HIKESHI: variants seen among roughly 807,000 people sequenced by gnomAD.
HIKESHI encodes protein Hikeshi.
Under a neutral mutation model 25.7 loss-of-function variants are expected in HIKESHI, and 13 were observed. The observed-to-expected ratio is 0.51, with a 90% CI of 0.33 to 0.80. The LOEUF (loss-of-function observed/expected upper bound fraction) is 0.80, where lower values mean the gene tolerates loss of function less well. HIKESHI is among the 30% of genes least tolerant of loss of function. The pLI, the probability that HIKESHI is intolerant of heterozygous loss-of-function variation, is 0.02. For synonymous variants in HIKESHI, 76 were observed against 78.7 expected (o/e 0.97, Z 0.18); for missense variants, 174 against 229.5 (o/e 0.76, Z 1.56).
chr11:86,313,662 G>T (rs1946894521), intron 2 of HIKESHI, among the ~76,000 whole-genome samples: 1 of 152,208 alleles, frequency 6.6e-6, no homozygotes, highest in African/African-American at 2.4e-5. Flanking sequence ...TAGTGATTAA[G>T]TTCTTGCCTG....
intron 2 of HIKESHI, among the ~76,000 whole-genome samples, chr11:86,315,022 A>G (rs1946937428): frequency 1.3e-5 from 2 of 152,236 alleles, no homozygotes; most frequent in South Asian, 4.1e-4. Context: ...TACATATGAC[A>G]TAGTATTTGA....
At chr11:86,309,140 A>G (rs291209) in intron 2 of HIKESHI, among the ~76,000 whole-genome samples, 63 of 152,030 alleles carry the variant, frequency 4.1e-4, no homozygotes, top group African/African-American at 1.5e-3. Context: ...TTGAGGAATC[A>G]CCACACTGTC....
At chr11:86,332,039 G>A (rs1356171721) in intron 2 of HIKESHI, among the ~76,000 whole-genome samples, 3 of 147,104 alleles carry the variant, frequency 2.0e-5, no homozygotes, top group African/African-American at 7.6e-5. Flanking sequence ...GGAGTGCAGT[G>A]GCACTCCGCC....
intron 3 of HIKESHI, among the ~76,000 whole-genome samples, chr11:86,342,585 A>G (rs1018347223): frequency 3.3e-5 from 5 of 151,534 alleles, no homozygotes; most frequent in Admixed American, 2.0e-4. Flanking sequence ...AGCAGAGCCT[A>G]AGATGTTGTC....
chr11:86,325,229 G>A (rs1947245288), intron 2 of HIKESHI, among the ~76,000 whole-genome samples: 1 of 152,034 alleles, frequency 6.6e-6, no homozygotes, highest in Non-Finnish European at 1.5e-5. Flanking sequence ...TTATGATTCT[G>A]TACTGAATGA....
chr11:86,308,060 TATA>T (rs1312335507), intron 2 of HIKESHI, among the ~76,000 whole-genome samples: 14 of 125,276 alleles, frequency 1.1e-4, no homozygotes, highest in Non-Finnish European at 1.5e-4. Context: ...ACATATAATA[TATA>T]ATATGTATAT....
chr11:86,312,928 C>T (rs542365866), intron 2 of HIKESHI, among the ~76,000 whole-genome samples: 1 of 152,324 alleles, frequency 6.6e-6, no homozygotes, highest in Admixed American at 6.5e-5. Flanking sequence ...GAGAGGTCCA[C>T]TGTTAGTGAG....
intron 2 of HIKESHI, among the ~76,000 whole-genome samples, chr11:86,327,439 C>T (rs1593849307): frequency 2.0e-5 from 3 of 152,140 alleles, no homozygotes; most frequent in Middle Eastern, 3.4e-3. Flanking sequence ...CTCAGCCTCC[C>T]GAGTAGCTGG....
chr11:86,345,237 C>CA (rs1278494891), intron 4 of HIKESHI: 15 of 645,648 alleles, frequency 2.3e-5, no homozygotes, highest in African/African-American at 3.9e-5. Flanking sequence ...TGACCCTGAG[C>CA]AAATTTCTCT....
chr11:86,341,488 C>CTTTTTTT (rs112151717), intron 3 of HIKESHI, among the ~76,000 whole-genome samples: 8 of 142,810 alleles, frequency 5.6e-5, no homozygotes, highest in Non-Finnish European at 7.6e-5. Flanking sequence ...TGGAATTCTC[C>CTTTTTTT]TTTTTTTTTT....
chr11:86,328,618 C>CT (rs1947344571), intron 2 of HIKESHI, among the ~76,000 whole-genome samples: 1 of 151,718 alleles, frequency 6.6e-6, no homozygotes, highest in Non-Finnish European at 1.5e-5. Flanking sequence ...TAATTTTTGT[C>CT]TTTTTAGTAG....
chr11:86,322,583 C>T (rs1034204013), intron 2 of HIKESHI, among the ~76,000 whole-genome samples: 1 of 152,052 alleles, frequency 6.6e-6, no homozygotes, highest in Non-Finnish European at 1.5e-5. Context: ...CCCATCCCCT[C>T]TAGCAGTGTT....
At chr11:86,318,345 A>G (rs1046508276) in intron 2 of HIKESHI, among the ~76,000 whole-genome samples, 2 of 150,076 alleles carry the variant, frequency 1.3e-5, no homozygotes, top group East Asian at 2.0e-4. Flanking sequence ...TGTAATATCA[A>G]TAAAATTAAA....
chr11:86,325,957 T>G (rs929696207), intron 2 of HIKESHI, among the ~76,000 whole-genome samples: 1 of 151,970 alleles, frequency 6.6e-6, no homozygotes, highest in African/African-American at 2.4e-5. Context: ...CTTACAGTTT[T>G]GGCTTCAGAT....
intron 4 of HIKESHI, 49 bp from the exon 5 acceptor site, chr11:86,345,535 C>G (rs767077751): frequency 9.5e-7 from 1 of 1,054,620 alleles, no homozygotes; most frequent in Non-Finnish European, 1.4e-6. Flanking sequence ...AATGAAAGAT[C>G]CTATTTTAAT....
intron 2 of HIKESHI, among the ~76,000 whole-genome samples, chr11:86,331,159 A>G (rs1407142652): frequency 6.6e-6 from 1 of 152,136 alleles, no homozygotes; most frequent in Non-Finnish European, 1.5e-5. Flanking sequence ...ATTTTCGTAA[A>G]ATCATAGAAT....
At chr11:86,336,364 T>A (rs1009174924) in intron 2 of HIKESHI, among the ~76,000 whole-genome samples, 2 of 152,172 alleles carry the variant, frequency 1.3e-5, no homozygotes, top group African/African-American at 4.8e-5. Context: ...ATTTATATGC[T>A]GAAATCCTAA....
chr11:86,336,911 AG>A (rs1229786896), intron 2 of HIKESHI, among the ~76,000 whole-genome samples: 1 of 151,844 alleles, frequency 6.6e-6, no homozygotes, highest in Non-Finnish European at 1.5e-5. Flanking sequence ...TCTAGACGGT[AG>A]TGGATTGGCA....
At chr11:86,344,443 C>T (rs1417900833) in intron 3 of HIKESHI, 160 bp from the exon 4 acceptor site, 1 of 463,130 alleles carries the variant, frequency 2.2e-6, no homozygotes, top group East Asian at 3.3e-5. Flanking sequence ...TTTGGGATTA[C>T]AGGCATGAGC....
Sources: allele counts gnomAD v4.1 joint callset (sites outside exome capture counted in the v4.1 genomes callset), GRCh38; gene constraint gnomAD v4.1.1; transcripts MANE v1.5; gene names NCBI Gene and HGNC (gene_info 2026-07-23, HGNC 2026-07-21).